COL13A1: variants seen among roughly 807,000 people sequenced by gnomAD.
COL13A1 encodes collagen alpha-1(XIII) chain.
Under a neutral mutation model 130.9 loss-of-function variants are expected in COL13A1, and 89 were observed. The ratio of observed to expected loss-of-function variants is 0.68; its 90% CI spans 0.57 to 0.81. COL13A1 has a LOEUF of 0.81. Among genes scored for constraint, COL13A1 ranks in the 30% least tolerant of loss-of-function variants. The pLI is 0.00. For missense variants in COL13A1, 879 were observed against 934.6 expected (o/e 0.94, Z 0.78); for synonymous variants, 402 against 341.6 (o/e 1.18, Z -1.95).
intron 17 of COL13A1, among the ~76,000 whole-genome samples, chr10:69,912,338 A>G (rs1375077729): frequency 6.6e-6 from 1 of 152,186 alleles, no homozygotes; most frequent in Non-Finnish European, 1.5e-5. Context: ...GGCCCTAATT[A>G]CAGGAGGAAC....
intron 2 of COL13A1, among the ~76,000 whole-genome samples, chr10:69,832,548 G>A (rs566780358): frequency 6.6e-4 from 101 of 152,318 alleles, no homozygotes; most frequent in African/African-American, 2.4e-3. Flanking sequence ...ATTATGGGAG[G>A]GGAGTTGGAC....
At chr10:69,863,206 T>C (rs945215562) in intron 2 of COL13A1, among the ~76,000 whole-genome samples, 5 of 152,174 alleles carry the variant, frequency 3.3e-5, no homozygotes, top group Non-Finnish European at 7.4e-5. Context: ...CCCTGGCCCG[T>C]ACCCACTACA....
intron 6 of COL13A1, among the ~76,000 whole-genome samples, chr10:69,879,815 T>C (rs1444587534): frequency 6.6e-6 from 1 of 152,178 alleles, no homozygotes; most frequent in Non-Finnish European, 1.5e-5. Context: ...AGCATCTGCC[T>C]TCCTCTCAGA....
At chr10:69,805,943 A>AG (rs1841447841) in intron 1 of COL13A1, among the ~76,000 whole-genome samples, 1 of 152,268 alleles carries the variant, frequency 6.6e-6, no homozygotes, top group African/African-American at 2.4e-5. Context: ...ACACACAGGC[A>AG]TCTGGTGAGT....
intron 3 of COL13A1, among the ~76,000 whole-genome samples, chr10:69,870,769 C>T (rs1318563347): frequency 1.3e-5 from 2 of 151,498 alleles, no homozygotes; most frequent in Non-Finnish European, 2.9e-5. Context: ...AAAGGGAATC[C>T]GGAGCCATGG....
chr10:69,897,352 G>A (rs1229052369), intron 13 of COL13A1: 2 of 1,030,438 alleles, frequency 1.9e-6, no homozygotes, highest in African/African-American at 1.6e-5. Context: ...CTCCATTCCA[G>A]CCTGTGGCTT....
intron 2 of COL13A1, among the ~76,000 whole-genome samples, chr10:69,846,749 G>T (rs1252886621): frequency 6.6e-6 from 1 of 152,194 alleles, no homozygotes; most frequent in Admixed American, 6.5e-5. Context: ...ATCCTCAGAG[G>T]GGAGCACCGG....
At chr10:69,914,171 C>T (rs1024451695) in intron 17 of COL13A1, among the ~76,000 whole-genome samples, 2 of 152,166 alleles carry the variant, frequency 1.3e-5, no homozygotes, top group Admixed American at 6.5e-5. Context: ...TTGAAGCAGA[C>T]ACCACCTCCT....
At position 69,880,478 on chromosome 10, in the gene COL13A1, TCTCCCC is replaced by T; in HGVS notation, c.463-22_463-17del. 1 of 1,433,726 alleles carries T rather than the reference TCTCCCC, an allele frequency of 7.0e-7. No homozygotes were observed. Among genetic ancestry groups the T allele is most frequent in the Non-Finnish European group, 9.8e-7 (1 of 1,016,196 alleles). 88.8% of individuals were successfully genotyped at this position (1,433,726 alleles called of 1,614,324 possible). ...CCATACCTCCCTGCCCCTCGCTCCC[TCTCCCC>T]CTTCCTCTCTCCCCGCAGGGGTCCC... is the stretch of plus-strand genomic sequence containing the variant. On this transcript the variant is annotated intron_variant, in intron 6 of 40. Coordinates refer to ENST00000645393, the MANE Select transcript of COL13A1 (RefSeq NM_001368882.1).
chr10:69,878,940 G>T (rs2059878008), intron 6 of COL13A1, among the ~76,000 whole-genome samples: 1 of 152,254 alleles, frequency 6.6e-6, no homozygotes, highest in African/African-American at 2.4e-5. Flanking sequence ...TGTCTGTAAT[G>T]CAGTATTTCT....
At chr10:69,844,056 A>G (rs1053780225) in intron 2 of COL13A1, among the ~76,000 whole-genome samples, 1 of 152,190 alleles carries the variant, frequency 6.6e-6, no homozygotes, top group Non-Finnish European at 1.5e-5. Flanking sequence ...AGAGAGTCAG[A>G]AGAAAAAGAA....
intron 23 of COL13A1, 40 bp from the exon 24 acceptor site, chr10:69,923,755 TCCAGGTG>T: frequency 6.3e-7 from 1 of 1,588,094 alleles, no homozygotes; most frequent in Non-Finnish European, 8.6e-7. Flanking sequence ...TAAGCAGCTG[TCCAGGTG>T]CCCAGCATGC....
At chr10:69,925,261 A>G (rs1393668322) in intron 25 of COL13A1, among the ~76,000 whole-genome samples, 4 of 152,198 alleles carry the variant, frequency 2.6e-5, no homozygotes, top group African/African-American at 9.7e-5. Context: ...CAAGTAGCGG[A>G]ATAGTTGATT....
chr10:69,867,396 G>A (rs928138516), intron 2 of COL13A1, among the ~76,000 whole-genome samples: 2 of 152,318 alleles, frequency 1.3e-5, no homozygotes, highest in South Asian at 2.1e-4. Context: ...GCATGCTAAC[G>A]GTCCTCATCT....
chr10:69,934,535 C>T (rs1041494809), intron 31 of COL13A1, among the ~76,000 whole-genome samples: 4 of 152,176 alleles, frequency 2.6e-5, no homozygotes, highest in African/African-American at 4.8e-5. Flanking sequence ...CCTGGGAAGA[C>T]GAGGCACCTG....
Position 69,928,697 on chromosome 10 carries a change from G to T in COL13A1, c.1423-240G>T, listed in dbSNP as rs143830234. 7.2e-5 allele frequency among the ~76,000 whole-genome samples: 11 copies of T among 152,212 alleles called. No individual in the cohort carries two copies. In the East Asian group the frequency reaches 2.1e-3, roughly 29 times the overall value. Reference sequence around the variant, plus strand: ...AGAGATGCCCTAGAGAGAAGGAGAGGGTATTGGACATGGCTCTCCGAACCC... The same window carrying T: ...AGAGATGCCCTAGAGAGAAGGAGAGTGTATTGGACATGGCTCTCCGAACCC... On this transcript the variant is annotated intron_variant, in intron 27 of 40. Transcript: ENST00000645393.
intron 2 of COL13A1, among the ~76,000 whole-genome samples, chr10:69,844,289 C>G (rs1177140980): frequency 6.6e-6 from 1 of 152,124 alleles, no homozygotes; most frequent in East Asian, 1.9e-4. Context: ...TCAGCAAATG[C>G]CAGACACTCC....
At chr10:69,928,830 T>G (rs1241098310) in intron 27 of COL13A1, 107 bp from the exon 28 acceptor site, 1 of 728,522 alleles carries the variant, frequency 1.4e-6, no homozygotes, top group Non-Finnish European at 2.2e-6. Flanking sequence ...GAGAAAGGTC[T>G]GTAAACAACT....
intron 18 of COL13A1, among the ~76,000 whole-genome samples, chr10:69,917,597 G>A (rs1182900321): frequency 2.0e-5 from 3 of 152,102 alleles, no homozygotes; most frequent in Non-Finnish European, 2.9e-5. Flanking sequence ...GTGGAGAGTA[G>A]GGGCCCCCAA....
Sources: allele counts gnomAD v4.1 joint callset (sites outside exome capture counted in the v4.1 genomes callset), GRCh38; gene constraint gnomAD v4.1.1; transcripts MANE v1.5; gene names NCBI Gene and HGNC (gene_info 2026-07-23, HGNC 2026-07-21).